Variants in CLIP1 observed in about 807,000 individuals in gnomAD.
The protein encoded by CLIP1 is CAP-Gly domain-containing linker protein 1.
Under a neutral mutation model 161.6 loss-of-function variants are expected in CLIP1, and 66 were observed. The ratio of observed to expected loss-of-function variants is 0.41; its 90% CI spans 0.33 to 0.50. The LOEUF (loss-of-function observed/expected upper bound fraction) is 0.50. Ranked by LOEUF, CLIP1 falls within the 20% of genes least tolerant of loss-of-function variation. The probability of loss-of-function intolerance (pLI) is 0.27; values close to 1 mark genes in which losing one functional copy is unlikely to be tolerated. For synonymous variants in CLIP1, 598 were observed against 626.2 expected (o/e 0.96, Z 0.67); for missense variants, 1,376 against 1,702.0 (o/e 0.81, Z 3.37).
At chr12:122,333,285 T>TA (rs1160686333) in intron 14 of CLIP1, 142 bp from the exon 15 acceptor site, 1 of 637,962 alleles carries the variant, frequency 1.6e-6, no homozygotes, top group African/African-American at 1.8e-5. Flanking sequence ...AGGCACACAA[T>TA]AAGCAAGATA....
chr12:122,334,542 G>A, intron 13 of CLIP1, 106 bp downstream of exon 13: 1 of 757,524 alleles, frequency 1.3e-6, no homozygotes, highest in African/African-American at 1.8e-5. Context: ...CCAGGAGAGT[G>A]AAATTAGGCT....
chr12:122,312,300 C>A (rs1024708598), intron 19 of CLIP1, among the ~76,000 whole-genome samples: 2 of 152,136 alleles, frequency 1.3e-5, no homozygotes, highest in Admixed American at 6.5e-5. Context: ...TTATACACCA[C>A]AAGAAACTGT....
At chr12:122,351,868 T>C (rs1953051519) in intron 8 of CLIP1, among the ~76,000 whole-genome samples, 1 of 152,058 alleles carries the variant, frequency 6.6e-6, no homozygotes, top group Non-Finnish European at 1.5e-5. Flanking sequence ...TAAAGGAAAA[T>C]CCATGAATTC....
At chr12:122,380,750 A>C (rs1031336775) in intron 1 of CLIP1, among the ~76,000 whole-genome samples, 192 bp from the exon 2 acceptor site, 10 of 152,020 alleles carry the variant, frequency 6.6e-5, no homozygotes, top group African/African-American at 2.4e-4. Flanking sequence ...GCAATTTACT[A>C]TCCTCAAGAC....
intron 10 of CLIP1, chr12:122,343,287 C>A (rs1370218045): frequency 2.0e-5 from 3 of 152,116 alleles, no homozygotes; most frequent in African/African-American, 7.3e-5. Context: ...GCATGTGCCA[C>A]CAGACCTGGC....
At chr12:122,292,172 T>G (rs941704133) in intron 20 of CLIP1, among the ~76,000 whole-genome samples, 4 of 151,828 alleles carry the variant, frequency 2.6e-5, no homozygotes, top group African/African-American at 9.7e-5. Flanking sequence ...TTTGTATTTT[T>G]TTTTTTTTTT....
At chr12:122,303,356 G>A (rs111347403) in intron 20 of CLIP1, among the ~76,000 whole-genome samples, 5 of 151,788 alleles carry the variant, frequency 3.3e-5, no homozygotes, top group East Asian at 1.9e-4. Context: ...TCTTATTCTC[G>A]ATGGCTCTAC....
At position 122,273,189 on chromosome 12, in the gene CLIP1, G is replaced by A. The variant is rs969656953; in HGVS notation, c.4092-89C>T. ...TGCAAAAAATTTAAAAATTAAGCAA[G>A]AACTAATTATGGCCAAGTCTGTGAG... On this transcript the variant is annotated intron_variant, in intron 25 of 25. Coordinates refer to ENST00000620786, the MANE Select transcript of CLIP1 (RefSeq NM_001247997.2). 9.5e-6 allele frequency: 10 copies of A among 1,056,924 alleles called. No homozygotes were observed. The African/African-American group carries it at 1.3e-4, about 13-fold the overall frequency. 65.5% of individuals were successfully genotyped at this position (1,056,924 alleles called of 1,614,324 possible). A position where few individuals can be genotyped will look rare whatever the true frequency, so the allele number is the denominator to read the frequency against.
chr12:122,390,689 G>T (rs890129738), intron 1 of CLIP1, among the ~76,000 whole-genome samples: 1 of 150,594 alleles, frequency 6.6e-6, no homozygotes, highest in Non-Finnish European at 1.5e-5. Flanking sequence ...TTAACCCCTA[G>T]AATCCACTGT....
chr12:122,278,918 C>T lies in CLIP1; in HGVS notation c.3790G>A (p.Ala1264Thr), dbSNP rs143953208. The T allele has an allele frequency of 3.1e-6, 5 of 1,611,222 alleles. No individual in the cohort carries two copies. The highest frequency in any genetic ancestry group is 1.7e-4 in the Middle Eastern group (1 of 6,056). ...ACTGAATGCAAGGACTTGGCAGAGG[C>T]GTTTTCTCCCCTGAGCACTGTGACC... ...NEVTVLRGEN[A>T]SAKSLHSVVQ... Residue 1264 changes from alanine to threonine, a missense_variant, in exon 23 of 26, where the codon GCC (alanine) becomes ACC (threonine). Around this residue, in one of 6 missense-constraint regions of CLIP1, gnomAD observed 948 missense variants for 1,134.8 expected, o/e 0.84. Coordinates refer to ENST00000620786, the MANE Select transcript of CLIP1 (RefSeq NM_001247997.2).
chr12:122,297,356 G>A (rs778365532), intron 20 of CLIP1, among the ~76,000 whole-genome samples: 1 of 152,162 alleles, frequency 6.6e-6, no homozygotes, highest in Non-Finnish European at 1.5e-5. Flanking sequence ...CTCCGGAGAG[G>A]AGAAGCGCCT....
chr12:122,285,620 T>C (rs1457294567), intron 21 of CLIP1, among the ~76,000 whole-genome samples: 3 of 150,922 alleles, frequency 2.0e-5, no homozygotes, highest in Admixed American at 6.6e-5. Context: ...ATTACAGGCG[T>C]GAGCCACCGC....
At chr12:122,293,002 C>CAATAAAAAAAAAAAAAAAAAAAA (rs1950315301) in intron 20 of CLIP1, among the ~76,000 whole-genome samples, 1 of 43,608 alleles carries the variant, frequency 2.3e-5, no homozygotes, top group African/African-American at 1.1e-4. Flanking sequence ...GACTCTGTCT[C>CAATAAAAAAAAAAAAAAAAAAAA]AAAAAAAAAA....
chr12:122,395,170 A>T (rs371224885), intron 1 of CLIP1, among the ~76,000 whole-genome samples: 2 of 152,360 alleles, frequency 1.3e-5, no homozygotes, highest in African/African-American at 4.8e-5. Context: ...CGTAGCAAAT[A>T]GAGCTACTGA....
At position 122,410,418 on chromosome 12, in the gene CLIP1, T is replaced by TAC. The variant is rs1271599125; in HGVS notation, c.-107+12101_-107+12102dup. On this transcript the variant is annotated intron_variant, in intron 1 of 25. Transcript: ENST00000620786. The stretch of plus-strand genomic sequence containing the variant: ...TTGTAAAGTTATATTTATTTATGTA[T>TAC]ACACACACACACATATATATACACA... Among the ~76,000 whole-genome samples the TAC allele has an allele frequency of 2.2e-4, 33 of 151,656 alleles. No homozygotes were observed. The South Asian group carries it at 4.4e-3, about 20-fold the overall frequency.
At position 122,289,392 on chromosome 12, in the gene CLIP1, C is replaced by A. The variant is rs1027588828; in HGVS notation, c.3595-851G>T. On this transcript the variant is annotated intron_variant, in intron 20 of 25. Transcript: ENST00000620786. ...CAAGATTGAACCACTGCACTCCAGCCTGGGTGACAGAGTGAGACTCCATCT... is the reference window on the plus strand; with the variant it reads ...CAAGATTGAACCACTGCACTCCAGCATGGGTGACAGAGTGAGACTCCATCT... 2.6e-5 allele frequency among the ~76,000 whole-genome samples: 4 copies of A among 151,354 alleles called. No individual in the cohort carries two copies. In the East Asian group the frequency reaches 6.0e-4, roughly 23 times the overall value.
chr12:122,398,227 C>T (rs1955999849), intron 1 of CLIP1, among the ~76,000 whole-genome samples: 1 of 148,960 alleles, frequency 6.7e-6, no homozygotes, highest in African/African-American at 2.5e-5. Flanking sequence ...ACCAGCCTGG[C>T]CAACATGGTG....
At chr12:122,382,489 C>T (rs965344199) in intron 1 of CLIP1, among the ~76,000 whole-genome samples, 2 of 150,566 alleles carry the variant, frequency 1.3e-5, no homozygotes, top group Middle Eastern at 3.4e-3. Context: ...GGCAACTGAG[C>T]GAGACACCAC....
At position 122,351,078 on chromosome 12, in the gene CLIP1, G is replaced by A. The variant is rs188931033; in HGVS notation, c.1401+33C>T. 812 of 1,497,232 alleles carry A rather than the reference G, an allele frequency of 5.4e-4. 2 individuals carry two copies. Among genetic ancestry groups the A allele is most frequent in the Middle Eastern group, 3.4e-3 (20 of 5,868 alleles). 92.7% of individuals were successfully genotyped at this position (1,497,232 alleles called of 1,614,324 possible). ...ATCTGTGATCAATCTTTGTTAACAA[G>A]GGAAATATCCACACAGTTAAGTGCC... On this transcript the variant is annotated intron_variant, in intron 9 of 25. Coordinates refer to ENST00000620786, the MANE Select transcript of CLIP1 (RefSeq NM_001247997.2).
Sources: allele counts gnomAD v4.1 joint callset (sites outside exome capture counted in the v4.1 genomes callset), GRCh38; gene constraint gnomAD v4.1.1; regional missense constraint gnomAD v4.1.1; transcripts MANE v1.5; gene names NCBI Gene and HGNC (gene_info 2026-07-23, HGNC 2026-07-21).